VPS54: variants seen among roughly 807,000 people sequenced by gnomAD.
VPS54 encodes VPS54 subunit of GARP complex, also known as vacuolar protein sorting-associated protein 54.
A neutral mutation model predicts 121.5 loss-of-function variants in VPS54; 45 were observed. The observed-to-expected ratio is 0.37, with a 90% CI of 0.29 to 0.47. VPS54 has a LOEUF of 0.47. Ranked by LOEUF, VPS54 falls within the 20% of genes least tolerant of loss-of-function variation. VPS54 has a pLI of 0.99. For missense variants in VPS54, 1,090 were observed against 1,131.4 expected, an observed-to-expected ratio of 0.96 and a Z score of 0.52; for synonymous variants, 371 against 385.8, an observed-to-expected ratio of 0.96 and a Z score of 0.45.
intron 1 of VPS54, among the ~76,000 whole-genome samples, chr2:63,999,548 A>T (rs1220936952): frequency 6.6e-6 from 1 of 151,948 alleles, no homozygotes; most frequent in East Asian, 1.9e-4. Context: ...GAATTTTATT[A>T]TTAAATGTCT....
chr2:63,929,336 A>C (rs1425885334), intron 12 of VPS54, among the ~76,000 whole-genome samples: 1 of 152,234 alleles, frequency 6.6e-6, no homozygotes, highest in African/African-American at 2.4e-5. Context: ...CACTGCAATC[A>C]AATTAGAACT....
In VPS54 at chr2:63,965,917, G is replaced by T; in HGVS notation, c.542C>A (p.Ser181Ter). The T allele has an allele frequency of 6.2e-7, 1 of 1,612,142 alleles. No individual in the cohort carries two copies. Among genetic ancestry groups the T allele is most frequent in the Non-Finnish European group, 8.5e-7 (1 of 1,179,446 alleles). Reference sequence around the variant, plus strand: ...ATTAAAATGAGACCATGGTAAAACTGAATTAAAAGTTAAGGAATCATCCAA... The same window carrying T: ...ATTAAAATGAGACCATGGTAAAACTTAATTAAAAGTTAAGGAATCATCCAA... The part of the protein sequence containing the change: ...FALDDSLTFN[S>*]VLPWSHFNTA... Residue 181 changes from serine to a stop codon, truncating the protein, a stop_gained, in exon 6 of 23, where the codon TCA (serine) becomes TAA (stop). Coordinates refer to ENST00000272322, the MANE Select transcript of VPS54 (RefSeq NM_016516.3). LOFTEE classifies it high-confidence loss of function.
chr2:63,957,062 T>C (rs1336406359), intron 7 of VPS54, among the ~76,000 whole-genome samples: 1 of 152,220 alleles, frequency 6.6e-6, no homozygotes, highest in Non-Finnish European at 1.5e-5. Flanking sequence ...GTTAAATTAG[T>C]ATATAAATGA....
chr2:63,965,700 G>A (rs1411259362), intron 6 of VPS54, 135 bp downstream of exon 6: 4 of 1,227,078 alleles, frequency 3.3e-6, no homozygotes, highest in Admixed American at 2.6e-5. Flanking sequence ...TTAAGATTGG[G>A]AGGCTTATAG....
chr2:63,985,011 A>C (rs1014160330), intron 1 of VPS54, among the ~76,000 whole-genome samples: 2 of 152,214 alleles, frequency 1.3e-5, no homozygotes, highest in African/African-American at 4.8e-5. Context: ...GCAAAAAGAT[A>C]AATAAGAGTA....
intron 11 of VPS54, among the ~76,000 whole-genome samples, chr2:63,934,441 A>C (rs1419193183): frequency 6.6e-6 from 1 of 152,030 alleles, no homozygotes. Context: ...TCTCTCACTT[A>C]TTCACTACTC....
At chr2:63,979,240 T>A (rs1181139283) in intron 3 of VPS54, among the ~76,000 whole-genome samples, 1 of 149,916 alleles carries the variant, frequency 6.7e-6, no homozygotes, top group Admixed American at 6.6e-5. Context: ...TTTTTCTGTT[T>A]GTTTTTTTTT....
intron 20 of VPS54, among the ~76,000 whole-genome samples, chr2:63,909,974 G>T (rs1485819525): frequency 6.6e-6 from 1 of 151,912 alleles, no homozygotes; most frequent in Non-Finnish European, 1.5e-5. Flanking sequence ...TGATCCACCT[G>T]CCTCAGCCTC....
intron 3 of VPS54, among the ~76,000 whole-genome samples, chr2:63,976,825 CTTTTTTTTTTT>C (rs1174931536): frequency 1.1e-5 from 1 of 89,680 alleles, no homozygotes; most frequent in Non-Finnish European, 2.2e-5. Context: ...TATATCTTCT[CTTTTTTTTTTT>C]TTTTTTTTTT....
chr2:63,919,247 G>C (rs1186872329), intron 15 of VPS54, among the ~76,000 whole-genome samples: 1 of 151,860 alleles, frequency 6.6e-6, no homozygotes, highest in Admixed American at 6.6e-5. Flanking sequence ...ATTTCTCCCT[G>C]CCTCTCTGGT....
chr2:63,924,284 C>T (rs557748698), intron 12 of VPS54, among the ~76,000 whole-genome samples: 43 of 152,302 alleles, frequency 2.8e-4, no homozygotes, highest in South Asian at 8.3e-4. Flanking sequence ...TCTCAAGCTT[C>T]CCTTATAGCT....
At chr2:63,912,290 A>G in intron 20 of VPS54, 55 bp downstream of exon 20, 1 of 1,408,494 alleles carries the variant, frequency 7.1e-7, no homozygotes, top group South Asian at 1.3e-5. Context: ...CTCCTTATAA[A>G]ATAGAAAATC....
intron 7 of VPS54, among the ~76,000 whole-genome samples, chr2:63,957,136 T>C (rs1675530314): frequency 6.6e-6 from 1 of 152,064 alleles, no homozygotes; most frequent in African/African-American, 2.4e-5. Flanking sequence ...ATTTCACATG[T>C]AATGGTTAAA....
chr2:63,938,203 C>T (rs527989292), intron 11 of VPS54, among the ~76,000 whole-genome samples: 251 of 152,012 alleles, frequency 1.7e-3, no homozygotes, highest in Non-Finnish European at 2.2e-3. Flanking sequence ...TGGTCTCAAG[C>T]GATTCTCCTG....
At chr2:63,944,491 T>A in intron 10 of VPS54, 109 bp downstream of exon 10, 1 of 1,063,864 alleles carries the variant, frequency 9.4e-7, no homozygotes, top group Non-Finnish European at 1.4e-6. Context: ...TACACCCTGC[T>A]CACACCTTAG....
intron 15 of VPS54, among the ~76,000 whole-genome samples, chr2:63,917,990 T>C (rs1436765246): frequency 6.6e-6 from 1 of 152,032 alleles, no homozygotes; most frequent in Non-Finnish European, 1.5e-5. Context: ...AAACACTCAA[T>C]TAATATTAGC....
rs1559002670 is a variant in VPS54, at chr2:63,933,923, T to C, written c.1489A>G (p.Asn497Asp). ...TCCAGTGAATTATCTTTTGCAGCAT[T>C]CTTCTGTTGTGAAATCTCTTCCAAT... ...RELEEISQQK[N>D]AAKDNSLDTE... The change falls in exon 12 of 23, where the codon AAT (asparagine) becomes GAT (aspartate). Residue 497 changes from asparagine (N) to aspartate (D), a missense_variant. By Grantham distance (23) the Asn-to-Asp change is conservative (BLOSUM62 1). Coordinates refer to ENST00000272322, the MANE Select transcript of VPS54 (RefSeq NM_016516.3). 1.2e-6 allele frequency: 2 copies of C among 1,613,720 alleles called. No individual in the cohort carries two copies. Among genetic ancestry groups the C allele is most frequent in the South Asian group, 2.2e-5 (2 of 91,070 alleles).
chr2:63,924,550 G>A (rs1029044303), intron 12 of VPS54, among the ~76,000 whole-genome samples: 1 of 152,106 alleles, frequency 6.6e-6, no homozygotes, highest in African/African-American at 2.4e-5. Flanking sequence ...ACAGTTGCTG[G>A]GCATGGTGGT....
At chr2:63,900,162 G>C (rs961837270) in intron 20 of VPS54, among the ~76,000 whole-genome samples, 1 of 141,054 alleles carries the variant, frequency 7.1e-6, no homozygotes, top group Non-Finnish European at 1.5e-5. Context: ...GCAGGTTGCA[G>C]TGAGCCAAGA....
Sources: gnomAD v4.1 joint callset for allele counts (sites outside exome capture counted in the v4.1 genomes callset) on GRCh38, gnomAD v4.1.1 for gene constraint, MANE v1.5 for transcripts, NCBI Gene and HGNC (gene_info 2026-07-23, HGNC 2026-07-21) for gene names.